Variants in DTX4 observed in about 807,000 individuals in gnomAD.
DTX4 encodes the protein E3 ubiquitin-protein ligase DTX4.
Under a neutral mutation model 57.6 loss-of-function variants are expected in DTX4, and 28 were observed. That is an observed-to-expected ratio of 0.49 (90% CI 0.36 to 0.67). DTX4 has a LOEUF of 0.67. Among genes scored for constraint, DTX4 ranks in the 30% least tolerant of loss-of-function variants. The pLI, the probability that DTX4 is intolerant of heterozygous loss-of-function variation, is 0.00. For synonymous variants in DTX4, 316 were observed against 331.0 expected, an observed-to-expected ratio of 0.95 and a Z score of 0.49; for missense variants, 715 against 836.8, an observed-to-expected ratio of 0.85 and a Z score of 1.80.
chr11:59,184,509 C>T (rs908662945), intron 2 of DTX4, among the ~76,000 whole-genome samples: 1 of 152,184 alleles, frequency 6.6e-6, no homozygotes, highest in Non-Finnish European at 1.5e-5. Flanking sequence ...TTATTGTTAA[C>T]AGGTGTCCAT....
At position 59,191,104 on chromosome 11, in the gene DTX4, G is replaced by A. The variant is rs549275302; in HGVS notation, c.1160-10G>A. ...GCCTTGGTGGCCCACTGAACCTCCT[G>A]TCTCTGCAGGTAAAACCCCAGAGGA... On this transcript the variant is annotated splice_polypyrimidine_tract_variant and intron_variant, in intron 4 of 8. Coordinates refer to ENST00000227451, the MANE Select transcript of DTX4 (RefSeq NM_015177.2). 2 of 1,565,350 alleles carry A rather than the reference G, an allele frequency of 1.3e-6. No homozygotes were observed. The highest frequency in any genetic ancestry group is 1.7e-6 in the Non-Finnish European group (2 of 1,154,736).
chr11:59,198,156 T>G (rs537334691), intron 7 of DTX4, among the ~76,000 whole-genome samples: 15 of 152,272 alleles, frequency 9.9e-5, no homozygotes, highest in Non-Finnish European at 1.5e-4. Context: ...AACTATTCCC[T>G]TGGGGAGAAA....
In DTX4 at chr11:59,172,713, G is replaced by T. The variant is rs773179631; in HGVS notation, c.118G>T (p.Ala40Ser). The change falls in exon 1 of 9, where the codon GCG becomes TCG. Residue 40 changes from alanine (A) to serine (S), a missense_variant. Coordinates refer to ENST00000227451, the MANE Select transcript of DTX4 (RefSeq NM_015177.2). The part of the protein sequence containing the change: ...IEAVVRAGPR[A>S]GGSVVLGQVD... ...GGCGGTGGTCCGCGCCGGCCCCCGCGCGGGGGGCAGCGTGGTGCTGGGCCA... is the reference window on the plus strand; with the variant it reads ...GGCGGTGGTCCGCGCCGGCCCCCGCTCGGGGGGCAGCGTGGTGCTGGGCCA... 1.2e-6 allele frequency: 2 copies of T among 1,602,278 alleles called. No homozygotes were observed. Among genetic ancestry groups the T allele is most frequent in the East Asian group, 2.3e-5 (1 of 44,368 alleles).
intron 1 of DTX4, among the ~76,000 whole-genome samples, chr11:59,173,664 T>C (rs1478310917): frequency 6.6e-6 from 1 of 151,786 alleles, no homozygotes; most frequent in Non-Finnish European, 1.5e-5. Context: ...AGCGCCAAAC[T>C]CCTATCTTTT....
In DTX4 at chr11:59,207,516, C is replaced by T. The variant is rs1862828741; in HGVS notation, c.*2607C>T. 6.6e-6 allele frequency: 1 copy of T among 152,656 alleles called. No individual in the cohort carries two copies. The highest frequency in any genetic ancestry group is 2.4e-5 in the African/African-American group (1 of 41,428). 9.5% of individuals were successfully genotyped at this position (152,656 alleles called of 1,614,324 possible). A position where few individuals can be genotyped will look rare whatever the true frequency, so the allele number is the denominator to read the frequency against. On this transcript the variant is annotated 3_prime_UTR_variant, in exon 9 of 9. Coordinates refer to ENST00000227451, the MANE Select transcript of DTX4 (RefSeq NM_015177.2). Reference sequence around the variant, plus strand: ...TTGAATTTCCTTTCTAACACTGTGCCCGGCAAGGCGGGGAGCATTCCTCTG... The same window carrying T: ...TTGAATTTCCTTTCTAACACTGTGCTCGGCAAGGCGGGGAGCATTCCTCTG...
chr11:59,203,447 C>T (rs958402634), intron 8 of DTX4, among the ~76,000 whole-genome samples: 6 of 151,976 alleles, frequency 3.9e-5, no homozygotes, highest in African/African-American at 1.4e-4. Flanking sequence ...ATACCTTAGC[C>T]TTGACCTACT....
chr11:59,173,170 A>G (rs1174264536), intron 1 of DTX4, among the ~76,000 whole-genome samples: 2 of 152,146 alleles, frequency 1.3e-5, no homozygotes, highest in African/African-American at 4.8e-5. Flanking sequence ...CCCTTCGCAA[A>G]GGCTTCCTGC....
At chr11:59,173,712 C>G (rs979608184) in intron 1 of DTX4, among the ~76,000 whole-genome samples, 1 of 152,146 alleles carries the variant, frequency 6.6e-6, no homozygotes, top group African/African-American at 2.4e-5. Context: ...AGCACAAACC[C>G]GCTTCCCAGC....
intron 7 of DTX4, among the ~76,000 whole-genome samples, chr11:59,199,174 C>A (rs1445538594): frequency 6.6e-6 from 1 of 152,216 alleles, no homozygotes; most frequent in Non-Finnish European, 1.5e-5. Flanking sequence ...GAGGCACTTT[C>A]TTTATTCTGA....
intron 8 of DTX4, among the ~76,000 whole-genome samples, chr11:59,202,993 C>G (rs902653116): frequency 2.0e-5 from 3 of 152,088 alleles, no homozygotes; most frequent in African/African-American, 7.2e-5. Context: ...ATTTGTGAAT[C>G]TAAACATTGA....
rs567729138 is a variant in DTX4 at position 59,193,253 on chromosome 11, C to T, written c.1374+1003C>T. Reference sequence around the variant, plus strand: ...CCAATCTCTGAGAGAGACTTTCCATCTGGAAAATGGAGATTAAAACTATAC... The same window carrying T: ...CCAATCTCTGAGAGAGACTTTCCATTTGGAAAATGGAGATTAAAACTATAC... On this transcript the variant is annotated intron_variant, in intron 6 of 8. Transcript: ENST00000227451. Among the ~76,000 whole-genome samples the T allele has an allele frequency of 1.4e-4, 21 of 152,304 alleles. No homozygotes were observed. The South Asian group carries it at 4.1e-3, about 30-fold the overall frequency.
chr11:59,203,381 A>G (rs1440486738), intron 8 of DTX4, among the ~76,000 whole-genome samples: 3 of 152,148 alleles, frequency 2.0e-5, no homozygotes, highest in African/African-American at 7.2e-5. Context: ...TTATTTTTAA[A>G]AACTTTTTTT....
chr11:59,173,242 G>A (rs1230712855), intron 1 of DTX4, among the ~76,000 whole-genome samples: 1 of 152,186 alleles, frequency 6.6e-6, no homozygotes, highest in African/African-American at 2.4e-5. Flanking sequence ...AGGCACGCTG[G>A]GGCTTGCCAC....
intron 7 of DTX4, among the ~76,000 whole-genome samples, chr11:59,196,150 T>C (rs1245314260): frequency 1.3e-5 from 2 of 152,268 alleles, no homozygotes; most frequent in African/African-American, 2.4e-5. Context: ...CTAGTTTTCT[T>C]CTTCCATTTT....
At chr11:59,199,880 G>T in intron 8 of DTX4, 107 bp downstream of exon 8, 3 of 897,820 alleles carry the variant, frequency 3.3e-6, no homozygotes, top group Non-Finnish European at 5.1e-6. Flanking sequence ...AGACCAAAGA[G>T]AACTGTGTCT....
At chr11:59,193,614 C>T (rs1280182784) in intron 6 of DTX4, among the ~76,000 whole-genome samples, 2 of 152,146 alleles carry the variant, frequency 1.3e-5, no homozygotes, top group Non-Finnish European at 2.9e-5. Flanking sequence ...ACATTTATTT[C>T]CATGGGGCTT....
At chr11:59,183,235 G>T (rs1018710315) in intron 2 of DTX4, among the ~76,000 whole-genome samples, 5 of 152,148 alleles carry the variant, frequency 3.3e-5, no homozygotes, top group African/African-American at 7.2e-5. Flanking sequence ...GCATTCAGTA[G>T]GTGCAAAATG....
In DTX4 at chr11:59,199,719, C is replaced by T. The variant is rs780121144; in HGVS notation, c.1572C>T (p.Ser524=). ...PEHPNPGKSF[S]ARGFPRHCYL... ...ACCCGAATCCTGGGAAGAGTTTCAG[C>T]GCCCGAGGCTTCCCACGACACTGTT... Residue 524 remains serine, a synonymous_variant, in exon 8 of 9, where the codon AGC becomes AGT. Transcript: ENST00000227451. 3.2e-5 allele frequency: 51 copies of T among 1,577,782 alleles called. No individual in the cohort carries two copies. Among genetic ancestry groups the T allele is most frequent in the Admixed American group, 1.1e-4 (6 of 55,328 alleles).
intron 8 of DTX4, among the ~76,000 whole-genome samples, chr11:59,203,378 T>A (rs935494925): frequency 4.6e-5 from 7 of 152,226 alleles, no homozygotes; most frequent in African/African-American, 1.2e-4. Flanking sequence ...TGTTTATTTT[T>A]AAAAACTTTT....
Sources: allele counts gnomAD v4.1 joint callset (sites outside exome capture counted in the v4.1 genomes callset), GRCh38; gene constraint gnomAD v4.1.1; transcripts MANE v1.5; gene names NCBI Gene and HGNC (gene_info 2026-07-23, HGNC 2026-07-21).